Variants in DNAAF11 observed in about 807,000 individuals in gnomAD.
The protein encoded by DNAAF11 is dynein axonemal assembly factor 11, also known as leucine rich repeat containing 6.
DNAAF11 carries 45 observed loss-of-function variants against 60.8 expected under a neutral mutation model. The ratio of observed to expected loss-of-function variants is 0.74; its 90% CI spans 0.58 to 0.95. DNAAF11 has a LOEUF of 0.95. Among genes scored for constraint, DNAAF11 ranks in the 40% least tolerant of loss-of-function variants. The pLI is 0.00. For synonymous variants in DNAAF11, 191 were observed against 183.5 expected, an observed-to-expected ratio of 1.04 and a Z score of -0.33; for missense variants, 546 against 546.2, an observed-to-expected ratio of 1.00 and a Z score of 0.00.
rs1586623137 is a variant in DNAAF11, at chr8:132,626,911, T to C, written c.654-1457A>G. Among the ~76,000 whole-genome samples the C allele has an allele frequency of 2.0e-5, 3 of 152,312 alleles. No individual in the cohort carries two copies. The East Asian group carries it at 5.8e-4, about 29-fold the overall frequency. On this transcript the variant is annotated intron_variant, in intron 5 of 11. Transcript: ENST00000620350. The stretch of plus-strand genomic sequence containing the variant: ...AGTATCTTTTCAAATATATTTTCTT[T>C]ATTTTGAAAATATTGTGAAAGATAC...
intron 10 of DNAAF11, among the ~76,000 whole-genome samples, chr8:132,602,022 C>T (rs991427021): frequency 1.3e-5 from 2 of 152,052 alleles, no homozygotes; most frequent in Admixed American, 6.6e-5. Flanking sequence ...TGTGTTCTTA[C>T]TGTCTTCGTT....
intron 6 of DNAAF11, among the ~76,000 whole-genome samples, chr8:132,623,081 A>C (rs553253417): frequency 2.0e-5 from 3 of 152,328 alleles, no homozygotes; most frequent in East Asian, 3.9e-4. Context: ...CTAAAATACA[A>C]CATTTAACAT....
At chr8:132,608,293 AT>A (rs1264056075) in intron 10 of DNAAF11, 1 of 182,130 alleles carries the variant, frequency 5.5e-6, no homozygotes, top group Non-Finnish European at 1.2e-5. Context: ...ATCTTAAAAA[AT>A]ATATCCCTCA....
At chr8:132,696,278 A>G in the DNAAF11 span, among the ~76,000 whole-genome samples, 1 of 152,246 alleles carries the variant, frequency 6.6e-6, no homozygotes, top group Non-Finnish European at 1.5e-5. Context: ...GCTAGAATAG[A>G]AAAGATAGAT....
At chr8:132,591,599 T>C (rs1420992143) in intron 10 of DNAAF11, among the ~76,000 whole-genome samples, 2 of 152,076 alleles carry the variant, frequency 1.3e-5, no homozygotes, top group Non-Finnish European at 2.9e-5. Context: ...TTTTAGTCTT[T>C]TGTGGTTTAT....
chr8:132,644,463 C>T (rs535655624), intron 3 of DNAAF11, among the ~76,000 whole-genome samples: 11 of 152,182 alleles, frequency 7.2e-5, no homozygotes, highest in South Asian at 6.2e-4. Flanking sequence ...ACTGAGGTAC[C>T]GGGTTCATCT....
chr8:132,698,908 T>C, the DNAAF11 span, among the ~76,000 whole-genome samples: 2 of 140,386 alleles, frequency 1.4e-5, no homozygotes, highest in African/African-American at 6.1e-5. Context: ...TGGCGAACGC[T>C]GTTTCTACTT....
rs1821476718 is a variant in DNAAF11, at chr8:132,638,023, T to G, written c.341A>C (p.His114Pro). Reference protein sequence around the residue: ...SSIKNLQHNIHLKELFLMGNP... With the variant: ...SSIKNLQHNIPLKELFLMGNP... ...CCCCATGAGAAAGAGCTCCTTCAGA[T>G]GGATATTGTGCTGCAAGTTTTTAAT... is the stretch of plus-strand genomic sequence containing the variant. The change falls in exon 4 of 12, where the codon CAT (histidine) becomes CCT (proline). Residue 114 changes from histidine to proline, a missense_variant. Transcript: ENST00000620350. 1.2e-6 allele frequency: 2 copies of G among 1,614,016 alleles called. No individual in the cohort carries two copies. Among genetic ancestry groups the G allele is most frequent in the African/African-American group, 2.7e-5 (2 of 74,932 alleles).
chr8:132,629,652 A>G (rs1820616763), intron 5 of DNAAF11, among the ~76,000 whole-genome samples: 1 of 151,822 alleles, frequency 6.6e-6, no homozygotes, highest in Non-Finnish European at 1.5e-5. Context: ...CGGCCCAGAT[A>G]CCCATTCTTA....
intron 1 of DNAAF11, among the ~76,000 whole-genome samples, chr8:132,668,769 A>G (rs186250247): frequency 1.3e-5 from 2 of 152,236 alleles, no homozygotes; most frequent in East Asian, 3.9e-4. Context: ...ATGTGAGTAG[A>G]TGTTTGTTAG....
chr8:132,640,197 C>T (rs572046120), intron 3 of DNAAF11, among the ~76,000 whole-genome samples: 34 of 152,290 alleles, frequency 2.2e-4, no homozygotes, highest in South Asian at 1.9e-3. Context: ...TTGGTAACAG[C>T]GATACTACTC....
intron 3 of DNAAF11, among the ~76,000 whole-genome samples, chr8:132,641,784 A>C (rs1821879803): frequency 6.6e-6 from 1 of 152,240 alleles, no homozygotes; most frequent in Admixed American, 6.5e-5. Context: ...ATAAATAAGC[A>C]CATGTAGGAA....
intron 3 of DNAAF11, among the ~76,000 whole-genome samples, chr8:132,655,468 G>T (rs1823453777): frequency 6.6e-6 from 1 of 151,946 alleles, no homozygotes; most frequent in Non-Finnish European, 1.5e-5. Context: ...ACAAACTATA[G>T]ACAAAACTAA....
chr8:132,609,674 G>A (rs1299145261), intron 10 of DNAAF11, among the ~76,000 whole-genome samples: 1 of 152,204 alleles, frequency 6.6e-6, no homozygotes, highest in Admixed American at 6.5e-5. Context: ...CCAAGTCACT[G>A]CTAGTGCACA....
the DNAAF11 span, among the ~76,000 whole-genome samples, chr8:132,685,325 A>G: frequency 6.6e-6 from 1 of 152,248 alleles, no homozygotes; most frequent in Non-Finnish European, 1.5e-5. Flanking sequence ...AATTAAAACC[A>G]TATCTCTGAA....
intron 1 of DNAAF11, among the ~76,000 whole-genome samples, chr8:132,666,621 G>A (rs954282394): frequency 2.0e-5 from 3 of 152,098 alleles, no homozygotes; most frequent in Non-Finnish European, 2.9e-5. Flanking sequence ...CAGAGATACA[G>A]AGCACACATG....
chr8:132,620,812 C>T (rs1563634794), intron 7 of DNAAF11, among the ~76,000 whole-genome samples: 1 of 152,138 alleles, frequency 6.6e-6, no homozygotes, highest in Non-Finnish European at 1.5e-5. Flanking sequence ...TAGTGAGACA[C>T]TCAAGGTTAA....
chr8:132,580,195 A>C (rs1815181353), intron 11 of DNAAF11, among the ~76,000 whole-genome samples: 1 of 152,218 alleles, frequency 6.6e-6, no homozygotes, highest in South Asian at 2.1e-4. Flanking sequence ...GAAAACTGGA[A>C]CGCTTCCCTC....
intron 7 of DNAAF11, among the ~76,000 whole-genome samples, chr8:132,615,486 G>C: frequency 6.6e-6 from 1 of 152,092 alleles, no homozygotes; most frequent in East Asian, 1.9e-4. Flanking sequence ...CCTTTATCCT[G>C]CATTCTATTC....
Sources: gnomAD v4.1 joint callset for allele counts (sites outside exome capture counted in the v4.1 genomes callset) on GRCh38, gnomAD v4.1.1 for gene constraint, MANE v1.5 for transcripts, NCBI Gene and HGNC (gene_info 2026-07-23, HGNC 2026-07-21) for gene names.